TRMU: variants seen among roughly 807,000 people sequenced by gnomAD.
TRMU encodes the protein tRNA mitochondrial 2-thiouridylase.
TRMU carries 49 observed loss-of-function variants against 46.9 expected under a neutral mutation model. That is an observed-to-expected ratio of 1.05 (90% CI 0.83 to 1.33). TRMU has a LOEUF of 1.33. Ranked by LOEUF, TRMU falls within the 40% of genes most tolerant of loss-of-function variation. The pLI is 0.00. For missense variants in TRMU, 572 were observed against 532.4 expected (o/e 1.07, Z -0.73); for synonymous variants, 241 against 200.9 (o/e 1.20, Z -1.69).
chr22:46,346,270 T>C (rs972583720), intron 3 of TRMU, 152 bp from the exon 4 acceptor site: 13 of 870,454 alleles, frequency 1.5e-5, no homozygotes, highest in Admixed American at 3.1e-5. Context: ...GTCTGTTCCC[T>C]GGGATCTCTA....
intron 7 of TRMU, chr22:46,353,423 T>C: frequency 2.8e-6 from 1 of 356,014 alleles, no homozygotes; most frequent in Non-Finnish European, 5.5e-6. Context: ...AGCTATGTCA[T>C]GGGCTCAGCA....
chr22:46,349,841 TAG>T lies in TRMU; in HGVS notation c.479-447_479-446del, dbSNP rs1181926693. Among the ~76,000 whole-genome samples, 2 of 152,238 alleles carry T rather than the reference TAG, an allele frequency of 1.3e-5. No homozygotes were observed. The highest frequency in any genetic ancestry group is 2.9e-5 in the Non-Finnish European group (2 of 68,036). On this transcript the variant is annotated intron_variant, in intron 4 of 10. Transcript: ENST00000645190. This position sits in a 1 kb window ranked among gnomAD's most constrained non-coding sequence, Gnocchi z 4.6. ...CGCCGGGCAGTGAACCTGGAAAGTG[TAG>T]AGTCCTTGAAACCACTGTGGCACGA...
At position 46,350,286 on chromosome 22, in the gene TRMU, G is replaced by C. The variant is rs2147079481; in HGVS notation, c.479-5G>C. 6.2e-7 allele frequency: 1 copy of C among 1,614,030 alleles called. No individual in the cohort carries two copies. On this transcript the variant is annotated splice_polypyrimidine_tract_variant and splice_region_variant and intron_variant, in intron 4 of 10. Coordinates refer to ENST00000645190, the MANE Select transcript of TRMU (RefSeq NM_018006.5). The surrounding 1 kb of genome is among the most constrained non-coding windows in gnomAD (Gnocchi z 4.6). Reference sequence around the variant, plus strand: ...GCATCGTCTTTTGTTCTTTATTCTTGGCAGCGGTAAAACTCCTCCAGGCAG... The same window carrying C: ...GCATCGTCTTTTGTTCTTTATTCTTCGCAGCGGTAAAACTCCTCCAGGCAG...
chr22:46,348,498 C>T lies in TRMU; in HGVS notation c.479-1793C>T, dbSNP rs2078318497. Among the ~76,000 whole-genome samples the T allele has an allele frequency of 6.6e-6, 1 of 152,202 alleles. No homozygotes were observed. The highest frequency in any genetic ancestry group is 1.5e-5 in the Non-Finnish European group (1 of 68,028). On this transcript the variant is annotated intron_variant, in intron 4 of 10. Coordinates refer to ENST00000645190, the MANE Select transcript of TRMU (RefSeq NM_018006.5). The surrounding 1 kb of genome is among the most constrained non-coding windows in gnomAD (Gnocchi z 4.8). ...GCAGGGGCAGTGGACGGCCTGGGCT[C>T]AGGGTCGGTCAGCACCTGAGACCAG...
At chr22:46,355,879 C>G (rs2078589172) in intron 9 of TRMU, 111 bp from the exon 10 acceptor site, 2 of 1,286,248 alleles carry the variant, frequency 1.6e-6, no homozygotes, top group South Asian at 2.5e-5. Flanking sequence ...TGCCCTTCCC[C>G]TCTAAGCAGG....
At position 46,352,196 on chromosome 22, in the gene TRMU, A is replaced by G. The variant is rs913127526; in HGVS notation, c.705+22A>G. ...TCAGGTGCGTGCTGCTCTTTGACAC[A>G]AAGAGATGGGGCTGCGTGTCTGCCC... On this transcript the variant is annotated intron_variant, in intron 6 of 10. Transcript: ENST00000645190. 15 of 1,613,978 alleles carry G rather than the reference A, an allele frequency of 9.3e-6. No individual in the cohort carries two copies. The African/African-American group carries it at 1.9e-4, about 20-fold the overall frequency.
intron 10 of TRMU, 123 bp from the exon 11 acceptor site, chr22:46,356,719 C>T (rs1033936262): frequency 6.5e-5 from 79 of 1,213,116 alleles, no homozygotes; most frequent in Non-Finnish European, 8.4e-5. Flanking sequence ...AACCCTGCTC[C>T]CCTGGGAGCT....
chr22:46,352,915 G>A (rs1601980363), intron 7 of TRMU: 3 of 197,888 alleles, frequency 1.5e-5, no homozygotes, highest in South Asian at 1.0e-4. Flanking sequence ...GTACAGTGGC[G>A]GGGATGTGCC....
chr22:46,339,515 T>TA lies in TRMU; in HGVS notation c.248+1576dup, dbSNP rs895881125. On this transcript the variant is annotated intron_variant, in intron 2 of 10. Coordinates refer to ENST00000645190, the MANE Select transcript of TRMU (RefSeq NM_018006.5). This position sits in a 1 kb window ranked among gnomAD's most constrained non-coding sequence, Gnocchi z 4.8. ...GCTAAGCTATGAGGACGCAAAGGCA[T>TA]AAAAATGATATAATGGACTCTGGGG... Among the ~76,000 whole-genome samples, 1 of 152,146 alleles carries TA rather than the reference T, an allele frequency of 6.6e-6. No homozygotes were observed. The highest frequency in any genetic ancestry group is 1.5e-5 in the Non-Finnish European group (1 of 68,020).
At chr22:46,354,086 A>C (rs1362367201) in intron 8 of TRMU, 3 of 512,118 alleles carry the variant, frequency 5.9e-6, no homozygotes, top group African/African-American at 3.9e-5. Context: ...TGGTCTCTTA[A>C]TCATCCCTGA....
intron 9 of TRMU, 114 bp from the exon 10 acceptor site, chr22:46,355,876 C>T: frequency 8.0e-7 from 1 of 1,243,212 alleles, no homozygotes; most frequent in African/African-American, 1.8e-5. Flanking sequence ...CCCTGCCCTT[C>T]CCCTCTAAGC....
intron 7 of TRMU, 42 bp from the exon 8 acceptor site, chr22:46,353,725 T>G (rs774353178): frequency 6.3e-7 from 1 of 1,590,106 alleles, no homozygotes; most frequent in Non-Finnish European, 8.6e-7. Flanking sequence ...ATGTGGGCTG[T>G]AACTTGTTGC....
At position 46,338,005 on chromosome 22, in the gene TRMU, G is replaced by T. The variant is rs566053260; in HGVS notation, c.248+61G>T. On this transcript the variant is annotated intron_variant, in intron 2 of 10. Coordinates refer to ENST00000645190, the MANE Select transcript of TRMU (RefSeq NM_018006.5). The surrounding 1 kb of genome is among the most constrained non-coding windows in gnomAD (Gnocchi z 4.5). Reference sequence around the variant, plus strand: ...ACACTGTGGATCCTTGCAGTGGAAGGATCCGGTAACCAGCCAGACCGACGC... The same window carrying T: ...ACACTGTGGATCCTTGCAGTGGAAGTATCCGGTAACCAGCCAGACCGACGC... 6.2e-7 allele frequency: 1 copy of T among 1,609,486 alleles called. No homozygotes were observed. The highest frequency in any genetic ancestry group is 2.2e-5 in the East Asian group (1 of 44,832).
At chr22:46,340,665 G>GAGCGGAGCTGGGATTAAACCCCAGAATT (rs2078098917) in intron 2 of TRMU, among the ~76,000 whole-genome samples, 1 of 121,502 alleles carries the variant, frequency 8.2e-6, no homozygotes. Flanking sequence ...CCAGAATTAG[G>GAGCGGAGCTGGGATTAAACCCCAGAATT]AGCGGAGCTG....
rs1207050008 is a variant in TRMU, at chr22:46,340,847, G to A, written c.249-2415G>A. On this transcript the variant is annotated intron_variant, in intron 2 of 10. Coordinates refer to ENST00000645190, the MANE Select transcript of TRMU (RefSeq NM_018006.5). ...TTGATAGGGACTGAGAGAAGGAGGCGGCCGGGTAGAGTCTTTTCCCATCTC... is the reference window on the plus strand; with the variant it reads ...TTGATAGGGACTGAGAGAAGGAGGCAGCCGGGTAGAGTCTTTTCCCATCTC... Among the ~76,000 whole-genome samples, 9 of 152,340 alleles carry A rather than the reference G, an allele frequency of 5.9e-5. No homozygotes were observed. The South Asian group carries it at 8.3e-4, about 14-fold the overall frequency.
In TRMU at chr22:46,350,584, CG is replaced by C; in HGVS notation, c.651+124del. 1 of 1,280,706 alleles carries C rather than the reference CG, an allele frequency of 7.8e-7. No homozygotes were observed. Among genetic ancestry groups the C allele is most frequent in the Non-Finnish European group, 1.1e-6 (1 of 896,262 alleles). The allele number at this position is 1,280,706 out of a possible 1,614,324, so 79.3% of individuals were successfully genotyped here. ...CTTCTCCAGGACCTAACATCAAAGG[CG>C]GGCCTTGGAGCAATAGATGGAGGAG... On this transcript the variant is annotated intron_variant, in intron 5 of 10. Coordinates refer to ENST00000645190, the MANE Select transcript of TRMU (RefSeq NM_018006.5). The surrounding 1 kb of genome is among the most constrained non-coding windows in gnomAD (Gnocchi z 4.6).
chr22:46,357,058 G>A lies in TRMU; in HGVS notation c.*52G>A, dbSNP rs573731223. The A allele has an allele frequency of 3.9e-5, 62 of 1,609,132 alleles. No individual in the cohort carries two copies. The highest frequency in any genetic ancestry group is 7.7e-5 in the South Asian group (7 of 90,762). On this transcript the variant is annotated 3_prime_UTR_variant, in exon 11 of 11. Transcript: ENST00000645190. Reference sequence around the variant, plus strand: ...TGGAGAGCAGGACCCATGGCTGGGCGGCTGGTGAGCAGTCCAGGTGCCCAA... The same window carrying A: ...TGGAGAGCAGGACCCATGGCTGGGCAGCTGGTGAGCAGTCCAGGTGCCCAA...
Position 46,336,013 on chromosome 22 carries a change from C to T in TRMU, c.82+167C>T, listed in dbSNP as rs928532632. ...TGACTTTGGTTCGGAGGCTCCTCGC[C>T]CTCCACCTGTGTAGTCGGAGGTGTG... On this transcript the variant is annotated intron_variant, in intron 1 of 10. Coordinates refer to ENST00000645190, the MANE Select transcript of TRMU (RefSeq NM_018006.5). The surrounding 1 kb of genome is among the most constrained non-coding windows in gnomAD (Gnocchi z 4.1). 1.3e-5 allele frequency: 19 copies of T among 1,444,516 alleles called. No individual in the cohort carries two copies. The highest frequency in any genetic ancestry group is 1.3e-4 in the South Asian group (9 of 70,550). 89.5% of individuals were successfully genotyped at this position (1,444,516 alleles called of 1,614,324 possible).
chr22:46,350,497 G>T lies in TRMU; in HGVS notation c.651+34G>T, dbSNP rs755364808. 1.2e-6 allele frequency: 2 copies of T among 1,612,130 alleles called. No individual in the cohort carries two copies. On this transcript the variant is annotated intron_variant, in intron 5 of 10. Transcript: ENST00000645190. The surrounding 1 kb of genome is among the most constrained non-coding windows in gnomAD (Gnocchi z 4.6). ...GAGCAGTTGCCTTTGATTAGTGCCT[G>T]TTTCCCTTTCCCGACTGCATGGCAC...
Sources: allele counts gnomAD v4.1 joint callset (sites outside exome capture counted in the v4.1 genomes callset), GRCh38; gene constraint gnomAD v4.1.1; non-coding constraint Gnocchi (gnomAD v3.1); transcripts MANE v1.5; gene names NCBI Gene and HGNC (gene_info 2026-07-23, HGNC 2026-07-21).